Variants in RAPGEF4 observed in about 807,000 individuals in gnomAD.
RAPGEF4 encodes RAP guanine-nucleotide-exchange factor (GEF) 4.
In RAPGEF4, 66 loss-of-function variants were observed where a neutral mutation model predicts 147.9. The ratio of observed to expected loss-of-function variants is 0.45; its 90% CI spans 0.37 to 0.55. The LOEUF (loss-of-function observed/expected upper bound fraction) is 0.55, where lower values mean the gene tolerates loss of function less well. Among genes scored for constraint, RAPGEF4 ranks in the 20% least tolerant of loss-of-function variants. The pLI, the probability that RAPGEF4 is intolerant of heterozygous loss-of-function variation, is 0.00. For synonymous variants in RAPGEF4, 419 were observed against 442.7 expected (o/e 0.95, Z 0.67); for missense variants, 1,071 against 1,257.3 (o/e 0.85, Z 2.24).
chr2:172,923,552 G>A (rs993581309), intron 6 of RAPGEF4, among the ~76,000 whole-genome samples: 3 of 152,144 alleles, frequency 2.0e-5, no homozygotes, highest in Non-Finnish European at 2.9e-5. Context: ...ACAGGCATGA[G>A]CCACCACACC....
At chr2:172,818,226 G>GGAGAC (rs1688707991) in intron 4 of RAPGEF4, among the ~76,000 whole-genome samples, 1 of 151,764 alleles carries the variant, frequency 6.6e-6, no homozygotes. Context: ...CTACCATTGG[G>GGAGAC]TACAGAGTAC....
intron 12 of RAPGEF4, among the ~76,000 whole-genome samples, chr2:172,987,949 A>G (rs1176882959): frequency 6.6e-6 from 1 of 152,262 alleles, no homozygotes; most frequent in African/African-American, 2.4e-5. Context: ...CAGATTGCTG[A>G]TAAATTGATA....
intron 3 of RAPGEF4, among the ~76,000 whole-genome samples, chr2:172,810,028 C>A (rs942741225): frequency 6.6e-6 from 1 of 152,160 alleles, no homozygotes; most frequent in African/African-American, 2.4e-5. Flanking sequence ...CACAGATTGG[C>A]TGACTGAAAT....
At chr2:172,871,224 A>G (rs1234726313) in intron 4 of RAPGEF4, among the ~76,000 whole-genome samples, 1 of 152,204 alleles carries the variant, frequency 6.6e-6, no homozygotes, top group Non-Finnish European at 1.5e-5. Flanking sequence ...GTGAATTCAG[A>G]ATGGATTTAG....
intron 4 of RAPGEF4, among the ~76,000 whole-genome samples, chr2:172,815,885 TAGAC>T (rs1010127351): frequency 1.4e-4 from 22 of 152,104 alleles, no homozygotes; most frequent in African/African-American, 2.2e-4. Context: ...AAATTTCAAA[TAGAC>T]AGAAAAATCA....
chr2:172,743,683 A>C (rs1332818129), intron 1 of RAPGEF4, among the ~76,000 whole-genome samples: 2 of 152,204 alleles, frequency 1.3e-5, no homozygotes, highest in Non-Finnish European at 2.9e-5. Context: ...TGTCTGGCCA[A>C]TGAGACATAG....
At chr2:172,963,103 C>G (rs1689467487) in intron 8 of RAPGEF4, among the ~76,000 whole-genome samples, 1 of 152,092 alleles carries the variant, frequency 6.6e-6, no homozygotes, top group Non-Finnish European at 1.5e-5. Flanking sequence ...TGGTGCCACA[C>G]ACTATTAAAT....
intron 4 of RAPGEF4, among the ~76,000 whole-genome samples, chr2:172,908,454 G>T (rs1333766642): frequency 1.3e-5 from 2 of 152,174 alleles, no homozygotes; most frequent in Non-Finnish European, 1.5e-5. Flanking sequence ...TTCCGTTAAG[G>T]TGAAAACTGT....
chr2:172,890,411 G>A (rs1016751401), intron 4 of RAPGEF4, among the ~76,000 whole-genome samples: 3 of 152,270 alleles, frequency 2.0e-5, no homozygotes, highest in South Asian at 2.1e-4. Flanking sequence ...AGTTTTCTTC[G>A]CAAGGAAGTT....
chr2:172,736,478 T>C (rs75118902), intron 1 of RAPGEF4, among the ~76,000 whole-genome samples: 1 of 152,164 alleles, frequency 6.6e-6, no homozygotes, highest in Non-Finnish European at 1.5e-5. Flanking sequence ...AGTAACATTC[T>C]TTTTTTGTTC....
chr2:172,751,117 A>G (rs1342095899), intron 1 of RAPGEF4, among the ~76,000 whole-genome samples: 2 of 152,218 alleles, frequency 1.3e-5, no homozygotes, highest in Non-Finnish European at 2.9e-5. Context: ...TCACTCTTCT[A>G]CCTGCCTCAT....
At chr2:172,900,739 T>C (rs1313843178) in intron 4 of RAPGEF4, among the ~76,000 whole-genome samples, 2 of 152,188 alleles carry the variant, frequency 1.3e-5, no homozygotes, top group African/African-American at 2.4e-5. Context: ...AGCACATGTT[T>C]CCTTAGAGCA....
rs115678094 is a variant in RAPGEF4, at chr2:172,926,958, A to C, written c.537+4658A>C. 8.0e-3 allele frequency among the ~76,000 whole-genome samples: 1,213 copies of C among 152,320 alleles called. 14 individuals carry two copies. Among genetic ancestry groups the C allele is most frequent in the African/African-American group, 0.027 (1,113 of 41,554 alleles). On this transcript the variant is annotated intron_variant, in intron 6 of 30. Coordinates refer to ENST00000397081, the MANE Select transcript of RAPGEF4 (RefSeq NM_007023.4). ...TACTGAAGAATGCTTTCTCGCTATA[A>C]ATCACCATCAATGTGGAGCTCAAAG...
intron 1 of RAPGEF4, among the ~76,000 whole-genome samples, chr2:172,787,554 G>A (rs1302624632): frequency 6.6e-6 from 1 of 151,958 alleles, no homozygotes; most frequent in Non-Finnish European, 1.5e-5. Context: ...TTGGATGAAT[G>A]AATAGATAAA....
chr2:172,793,134 G>A (rs1685993193), intron 1 of RAPGEF4, among the ~76,000 whole-genome samples: 1 of 152,148 alleles, frequency 6.6e-6, no homozygotes, highest in African/African-American at 2.4e-5. Flanking sequence ...GCTGGTGGAT[G>A]CATCACTCCA....
chr2:172,904,810 A>G (rs563819931), intron 4 of RAPGEF4, among the ~76,000 whole-genome samples: 12 of 151,090 alleles, frequency 7.9e-5, no homozygotes, highest in African/African-American at 2.7e-4. Context: ...CCCCTTCAGC[A>G]CCTAATACCT....
At chr2:173,032,755 C>T (rs1697310669) in intron 26 of RAPGEF4, among the ~76,000 whole-genome samples, 1 of 152,054 alleles carries the variant, frequency 6.6e-6, no homozygotes, top group East Asian at 1.9e-4. Context: ...CGGGGTTTTA[C>T]AGATGTTTAA....
At chr2:172,991,833 A>G (rs1257427248) in intron 15 of RAPGEF4, among the ~76,000 whole-genome samples, 1 of 152,248 alleles carries the variant, frequency 6.6e-6, no homozygotes, top group Non-Finnish European at 1.5e-5. Flanking sequence ...CTAAAAGTCT[A>G]AGGCCCAGAC....
At chr2:172,924,602 ATCAG>A (rs1165451773) in intron 6 of RAPGEF4, among the ~76,000 whole-genome samples, 1 of 152,238 alleles carries the variant, frequency 6.6e-6, no homozygotes, top group Admixed American at 6.5e-5. Context: ...CTCCAATGCC[ATCAG>A]TCAAAGTACA....
Sources: gnomAD v4.1 joint callset for allele counts (sites outside exome capture counted in the v4.1 genomes callset) on GRCh38, gnomAD v4.1.1 for gene constraint, MANE v1.5 for transcripts, NCBI Gene and HGNC (gene_info 2026-07-23, HGNC 2026-07-21) for gene names.